The following PKHD1 variants were observed in gnomAD, a reference collection of about 807,000 sequenced individuals.
PKHD1 encodes the protein PKHD1 ciliary IPT domain containing fibrocystin/polyductin.
A neutral mutation model predicts 412.0 loss-of-function variants in PKHD1; 291 were observed. The observed-to-expected ratio is 0.71, with a 90% CI of 0.64 to 0.78. The LOEUF (loss-of-function observed/expected upper bound fraction) is 0.78. Among genes scored for constraint, PKHD1 ranks in the 30% least tolerant of loss-of-function variants. The pLI is 0.00. For synonymous variants in PKHD1, 1,777 were observed against 1,821.5 expected (o/e 0.98, Z 0.62); for missense variants, 4,825 against 4,950.7 (o/e 0.97, Z 0.76).
intron 65 of PKHD1, among the ~76,000 whole-genome samples, chr6:51,631,831 C>T (rs936667261): frequency 6.6e-6 from 1 of 151,930 alleles, no homozygotes; most frequent in Non-Finnish European, 1.5e-5. Context: ...TAGGAACCTA[C>T]TTAATTCCTA....
chr6:51,755,888 T>C (rs1247418605), intron 55 of PKHD1, among the ~76,000 whole-genome samples: 1 of 151,804 alleles, frequency 6.6e-6, no homozygotes, highest in Admixed American at 6.6e-5. Flanking sequence ...CATATGTCAT[T>C]TGTATTAAAA....
chr6:51,808,359 G>A (rs897978358), intron 52 of PKHD1, among the ~76,000 whole-genome samples: 21 of 152,086 alleles, frequency 1.4e-4, no homozygotes, highest in African/African-American at 5.1e-4. Flanking sequence ...GAAGACATGG[G>A]TGAAGGGAAA....
chr6:52,059,897 G>T, intron 15 of PKHD1, 31 bp downstream of exon 15: 1 of 1,088,388 alleles, frequency 9.2e-7, no homozygotes, highest in Non-Finnish European at 1.4e-6. Context: ...ACTGGCAACA[G>T]AGAAAAGGAA....
intron 33 of PKHD1, among the ~76,000 whole-genome samples, chr6:52,020,247 T>C (rs575522971): frequency 1.3e-5 from 2 of 152,272 alleles, no homozygotes; most frequent in South Asian, 4.1e-4. Context: ...TGCACAGCCA[T>C]GGTAGAAATG....
At chr6:51,809,833 C>T (rs1400250275) in intron 52 of PKHD1, among the ~76,000 whole-genome samples, 1 of 151,326 alleles carries the variant, frequency 6.6e-6, no homozygotes, top group Admixed American at 6.6e-5. Context: ...AGTATTGTTG[C>T]CAGCCATTTT....
intron 61 of PKHD1, among the ~76,000 whole-genome samples, chr6:51,655,979 C>G: frequency 6.6e-6 from 1 of 152,104 alleles, no homozygotes; most frequent in East Asian, 1.9e-4. Context: ...TCAGCAATCC[C>G]ACTACTGGGG....
intron 60 of PKHD1, among the ~76,000 whole-genome samples, chr6:51,697,994 A>G (rs1163890919): frequency 6.6e-6 from 1 of 152,250 alleles, no homozygotes; most frequent in Non-Finnish European, 1.5e-5. Flanking sequence ...GGATCACATT[A>G]TATTAGCCAA....
At chr6:51,833,399 C>T (rs1768627098) in intron 51 of PKHD1, among the ~76,000 whole-genome samples, 1 of 152,086 alleles carries the variant, frequency 6.6e-6, no homozygotes, top group African/African-American at 2.4e-5. Flanking sequence ...GATAAGAACA[C>T]TAAGGGATAA....
intron 43 of PKHD1, among the ~76,000 whole-genome samples, chr6:51,888,918 C>T (rs1778647150): frequency 6.6e-6 from 1 of 151,204 alleles, no homozygotes; most frequent in Non-Finnish European, 1.5e-5. Flanking sequence ...GTGGGAGGAA[C>T]AAAGGGCCAA....
intron 45 of PKHD1, among the ~76,000 whole-genome samples, 193 bp downstream of exon 45, chr6:51,885,674 A>G (rs1015394833): frequency 1.3e-5 from 2 of 152,216 alleles, no homozygotes; most frequent in Non-Finnish European, 2.9e-5. Flanking sequence ...GTGACTAGGA[A>G]TTTGTTTAAC....
intron 52 of PKHD1, among the ~76,000 whole-genome samples, chr6:51,817,007 C>T (rs1175194332): frequency 6.6e-6 from 1 of 152,174 alleles, no homozygotes; most frequent in East Asian, 1.9e-4. Context: ...TGAAAAGCAA[C>T]CTGGGGTGAA....
chr6:52,056,276 G>A lies in PKHD1; in HGVS notation c.1693+422C>T, dbSNP rs182972557. ...TTCAAAAATAACTAGAATTTAGTTC[G>A]CCTTAGTAGTAGTTTTAAAAACATA... On this transcript the variant is annotated intron_variant, in intron 18 of 66. Transcript: ENST00000371117. Among the ~76,000 whole-genome samples, 134 of 152,244 alleles carry A rather than the reference G, an allele frequency of 8.8e-4. 2 individuals are homozygous for A. The highest frequency in any genetic ancestry group is 7.5e-3 in the Admixed American group (114 of 15,292).
At chr6:51,766,786 G>A (rs889186065) in intron 55 of PKHD1, among the ~76,000 whole-genome samples, 2 of 151,822 alleles carry the variant, frequency 1.3e-5, no homozygotes, top group Admixed American at 6.6e-5. Context: ...GCTAAATGAC[G>A]AGTTAATGGG....
At chr6:52,029,967 A>T (rs949120947) in intron 29 of PKHD1, among the ~76,000 whole-genome samples, 7 of 152,366 alleles carry the variant, frequency 4.6e-5, no homozygotes, top group Non-Finnish European at 8.8e-5. Context: ...TTGTAGTCTT[A>T]ATCAAGTAGA....
chr6:51,978,986 T>C (rs954991624), intron 35 of PKHD1, among the ~76,000 whole-genome samples: 1 of 152,196 alleles, frequency 6.6e-6, no homozygotes, highest in African/African-American at 2.4e-5. Context: ...TTTTCCCCTT[T>C]CTACAAACTT....
At chr6:51,815,616 C>T (rs961206477) in intron 52 of PKHD1, among the ~76,000 whole-genome samples, 1 of 152,128 alleles carries the variant, frequency 6.6e-6, no homozygotes, top group East Asian at 1.9e-4. Context: ...TGCAGGAGAA[C>T]AGCAGACGAT....
intron 23 of PKHD1, among the ~76,000 whole-genome samples, chr6:52,047,665 T>C (rs1383515090): frequency 1.3e-5 from 2 of 152,172 alleles, no homozygotes; most frequent in Admixed American, 6.5e-5. Context: ...TGACGGACCA[T>C]GGCTACCATG....
rs955721653 is a variant in PKHD1 at position 51,888,957 on chromosome 6, G to A, written c.6997-1712C>T. Reference sequence around the variant, plus strand: ...ATCAAGCTATGAGACTACTTCCTATGTGCCCACGTGCATCTGACCTCTCTC... The same window carrying A: ...ATCAAGCTATGAGACTACTTCCTATATGCCCACGTGCATCTGACCTCTCTC... On this transcript the variant is annotated intron_variant, in intron 43 of 66. Coordinates refer to ENST00000371117, the MANE Select transcript of PKHD1 (RefSeq NM_138694.4). Among the ~76,000 whole-genome samples the A allele has an allele frequency of 3.4e-4, 51 of 151,620 alleles. 1 individual carries two copies. The highest frequency in any genetic ancestry group is 1.1e-3 in the African/African-American group (46 of 41,328).
At position 52,045,857 on chromosome 6, in the gene PKHD1, A is replaced by C. The variant is rs951659038; in HGVS notation, c.2592+147T>G. ...AAAATATGTGTTGAAAACTTCCAGA[A>C]AGAAAGTTCATAGAATCCCTTTACT... On this transcript the variant is annotated intron_variant, in intron 24 of 66. Transcript: ENST00000371117. 8 of 672,814 alleles carry C rather than the reference A, an allele frequency of 1.2e-5. No individual in the cohort carries two copies. The Admixed American group carries it at 2.0e-4, about 17-fold the overall frequency. 41.7% of individuals were successfully genotyped at this position (672,814 alleles called of 1,614,324 possible). A position where few individuals can be genotyped will look rare whatever the true frequency, so the allele number is the denominator to read the frequency against.
Sources: gnomAD v4.1 joint callset for allele counts (sites outside exome capture counted in the v4.1 genomes callset) on GRCh38, gnomAD v4.1.1 for gene constraint, MANE v1.5 for transcripts, NCBI Gene and HGNC (gene_info 2026-07-23, HGNC 2026-07-21) for gene names.